The following OR5H1 variants were observed in gnomAD, a reference collection of about 807,000 sequenced individuals.
OR5H1 encodes olfactory receptor family 5 subfamily H member 1.
For missense variants in OR5H1, 378 were observed against 366.8 expected, an observed-to-expected ratio of 1.03 and a Z score of -0.25; for synonymous variants, 124 against 134.4, an observed-to-expected ratio of 0.92 and a Z score of 0.54.
intron 1 of OR5H1, among the ~76,000 whole-genome samples, chr3:98,131,519 C>A (rs1708254849): frequency 6.6e-6 from 1 of 151,612 alleles, no homozygotes; most frequent in African/African-American, 2.4e-5. Flanking sequence ...TTACCTCTGA[C>A]AGCCACTATG....
chr3:98,136,371 C>T lies in OR5H1; in HGVS notation c.*2732C>T, dbSNP rs946887134. ...AAAGTTTCTTCAAGCTATAAAGTCA[C>T]ACCAACAACATACCATTAGTTTCAC... On this transcript the variant is annotated 3_prime_UTR_variant, in exon 2 of 2. Transcript: ENST00000641874. 1 of 152,306 alleles carries T rather than the reference C, an allele frequency of 6.6e-6. No individual in the cohort carries two copies. Among genetic ancestry groups the T allele is most frequent in the Admixed American group, 6.5e-5 (1 of 15,292 alleles). The allele number at this position is 152,306 out of a possible 1,614,324, so 9.4% of individuals were successfully genotyped here. A position where few individuals can be genotyped will look rare whatever the true frequency, so the allele number is the denominator to read the frequency against.
chr3:98,133,375 A>C lies in OR5H1; in HGVS notation c.678A>C (p.Leu226Phe). The C allele has an allele frequency of 6.2e-7, 1 of 1,613,204 alleles. No individual in the cohort carries two copies. The highest frequency in any genetic ancestry group is 8.5e-7 in the Non-Finnish European group (1 of 1,179,592). The part of the protein sequence containing the change: ...VSYTFVLFAI[L>F]KKKSDKGVRK... Reference sequence around the variant, plus strand: ...ATACATTTGTTCTCTTCGCAATCTTAAAAAAGAAATCTGATAAAGGTGTAA... The same window carrying C: ...ATACATTTGTTCTCTTCGCAATCTTCAAAAAGAAATCTGATAAAGGTGTAA... The change falls in exon 2 of 2, where the codon TTA becomes TTC. Residue 226 changes from leucine to phenylalanine, a missense_variant. Transcript: ENST00000641874.
At position 98,136,713 on chromosome 3, in the gene OR5H1, T is replaced by A. The variant is rs1708322181; in HGVS notation, c.*3074T>A. 1 of 152,160 alleles carries A rather than the reference T, an allele frequency of 6.6e-6. No homozygotes were observed. The highest frequency in any genetic ancestry group is 1.9e-4 in the East Asian group (1 of 5,190). 9.4% of individuals were successfully genotyped at this position (152,160 alleles called of 1,614,324 possible). On this transcript the variant is annotated 3_prime_UTR_variant, in exon 2 of 2. Transcript: ENST00000641874. The stretch of plus-strand genomic sequence containing the variant: ...CATAGTAATAAGCATGTTCTTACTG[T>A]CTTAGTTCCCATGAGGGCTGGTTGA...
In OR5H1 at chr3:98,132,865, T is replaced by G. The variant is rs745332178; in HGVS notation, c.168T>G (p.His56Gln). The G allele has an allele frequency of 1.2e-4, 192 of 1,607,610 alleles. No homozygotes were observed. Among genetic ancestry groups the G allele is most frequent in the Admixed American group, 2.5e-4 (15 of 59,462 alleles). ...TCATCTGGAAAGACCCTCACCTTCA[T>G]ATCCCAATGTACTTACTCCTTGGGA... ...IAVIWKDPHL[H>Q]IPMYLLLGNL... The change falls in exon 2 of 2, where the codon CAT becomes CAG. Residue 56 changes from histidine (H) to glutamine (Q), a missense_variant. Transcript: ENST00000641874.
At position 98,133,069 on chromosome 3, in the gene OR5H1, A is replaced by C. The variant is rs1234282035; in HGVS notation, c.372A>C (p.Val124=). The change falls in exon 2 of 2, where the codon GTA becomes GTC. Residue 124 remains valine, a synonymous_variant. Coordinates refer to ENST00000641874, the MANE Select transcript of OR5H1 (RefSeq NM_001005338.2). ...LLATMAYDRY[V]AICKPLLYPA... ...CAACGATGGCATATGATCGCTATGTAGCCATATGCAAACCTTTACTTTATC... is the reference window on the plus strand; with the variant it reads ...CAACGATGGCATATGATCGCTATGTCGCCATATGCAAACCTTTACTTTATC... The C allele has an allele frequency of 6.2e-7, 1 of 1,613,532 alleles. No homozygotes were observed. Among genetic ancestry groups the C allele is most frequent in the South Asian group, 1.1e-5 (1 of 91,078 alleles).
rs1708285719 is a variant in OR5H1, at chr3:98,133,632, C to T, written c.935C>T (p.Ser312Leu). The T allele has an allele frequency of 1.3e-6, 2 of 1,596,266 alleles. No individual in the cohort carries two copies. Among genetic ancestry groups the T allele is most frequent in the African/African-American group, 1.3e-5 (1 of 74,154 alleles). ...ATGTTAAAAAAACATGTTAAGGTTT[C>T]ATACTAATATCCTTTCTCTAATTAC... ...TKMLKKHVKV[S>L]Y Residue 312 changes from serine (S) to leucine (L), a missense_variant, in exon 2 of 2, where the codon TCA becomes TTA. Ser to Leu is a moderately radical substitution (Grantham distance 145, BLOSUM62 -2). Transcript: ENST00000641874.
Position 98,133,264 on chromosome 3 carries a change from T to C in OR5H1, c.567T>C (p.Cys189=). ...CDTIPLSKIS[C]TDSSINFLMV... ...CTATCCCATTGTCTAAGATTTCTTGTACTGATTCTTCTATTAATTTTCTAA... is the reference window on the plus strand; with the variant it reads ...CTATCCCATTGTCTAAGATTTCTTGCACTGATTCTTCTATTAATTTTCTAA... Residue 189 remains cysteine (C), a synonymous_variant, in exon 2 of 2, where the codon TGT becomes TGC. Coordinates refer to ENST00000641874, the MANE Select transcript of OR5H1 (RefSeq NM_001005338.2). 5 of 1,611,158 alleles carry C rather than the reference T, an allele frequency of 3.1e-6. No homozygotes were observed. In the South Asian group the frequency reaches 3.3e-5, roughly 11 times the overall value.
chr3:98,138,197 C>CA lies in OR5H1; in HGVS notation c.*4559dup, dbSNP rs1291419598. ...GAGGGTCGTGATCGATTGAGCAAGC[C>CA]AGGGGGTACGTGACAGGGGCTGCGA... On this transcript the variant is annotated 3_prime_UTR_variant, in exon 2 of 2. Transcript: ENST00000641874. The CA allele has an allele frequency of 6.6e-6, 1 of 152,142 alleles. No individual in the cohort carries two copies. 9.4% of individuals were successfully genotyped at this position (152,142 alleles called of 1,614,324 possible).
In OR5H1 at chr3:98,132,793, G is replaced by C; in HGVS notation, c.96G>C (p.Leu32Phe). The C allele has an allele frequency of 6.2e-7, 1 of 1,613,446 alleles. No individual in the cohort carries two copies. The highest frequency in any genetic ancestry group is 1.1e-5 in the South Asian group (1 of 91,068). ...AAATACCCCTGTTCCTGGCATTCTT[G>C]GTAATATATCTCATCACCATCATGG... is the stretch of plus-strand genomic sequence containing the variant. ...QWKIPLFLAF[L>F]VIYLITIMGN... Residue 32 changes from leucine (L) to phenylalanine (F), a missense_variant, in exon 2 of 2, where the codon TTG becomes TTC. Leu to Phe is a conservative substitution (Grantham distance 22). Transcript: ENST00000641874.
Position 98,136,680 on chromosome 3 carries a change from GC to G in OR5H1, c.*3043del, listed in dbSNP as rs57657411. The stretch of plus-strand genomic sequence containing the variant: ...GTCGATCTCTCATGAATGCCTTGGT[GC>G]CATCATCATAGTAATAAGCATGTTC... On this transcript the variant is annotated 3_prime_UTR_variant, in exon 2 of 2. Transcript: ENST00000641874. 33,600 of 151,964 alleles carry G rather than the reference GC, an allele frequency of 0.22. 4,785 individuals carry two copies. The highest frequency in any genetic ancestry group is 0.41 in the African/African-American group (17,031 of 41,392). The allele number at this position is 151,964 out of a possible 1,614,324, so 9.4% of individuals were successfully genotyped here.
Position 98,133,676 on chromosome 3 carries a change from A to T in OR5H1, c.*37A>T. On this transcript the variant is annotated 3_prime_UTR_variant, in exon 2 of 2. Coordinates refer to ENST00000641874, the MANE Select transcript of OR5H1 (RefSeq NM_001005338.2). ...TAATTACAAAAATAGTCACAAAATT[A>T]TGCAAGTTAGAGGTACCTATGTTGT... 6.5e-7 allele frequency: 1 copy of T among 1,527,562 alleles called. No individual in the cohort carries two copies. Among genetic ancestry groups the T allele is most frequent in the Non-Finnish European group, 8.9e-7 (1 of 1,117,938 alleles). 94.6% of individuals were successfully genotyped at this position (1,527,562 alleles called of 1,614,324 possible).
chr3:98,132,179 T>A lies in OR5H1; in HGVS notation c.-18-501T>A, dbSNP rs185019775. On this transcript the variant is annotated intron_variant, in intron 1 of 1. Coordinates refer to ENST00000641874, the MANE Select transcript of OR5H1 (RefSeq NM_001005338.2). ...CTTACTAACAAGTTTCTAATTAATA[T>A]CCCTGAGTACAGTTTCTTCTTCTTG... Among the ~76,000 whole-genome samples, 749 of 152,112 alleles carry A rather than the reference T, an allele frequency of 4.9e-3. 4 individuals are homozygous for A. The highest frequency in any genetic ancestry group is 0.017 in the African/African-American group (709 of 41,550).
rs148020742 is a variant in OR5H1 at position 98,132,868 on chromosome 3, C to G, written c.171C>G (p.Ile57Met). Residue 57 changes from isoleucine to methionine, a missense_variant, in exon 2 of 2, where the codon ATC becomes ATG. Ile to Met is a conservative substitution (Grantham distance 10, BLOSUM62 1). Coordinates refer to ENST00000641874, the MANE Select transcript of OR5H1 (RefSeq NM_001005338.2). ...AVIWKDPHLH[I>M]PMYLLLGNLA... ...TCTGGAAAGACCCTCACCTTCATATCCCAATGTACTTACTCCTTGGGAATT... is the reference window on the plus strand; with the variant it reads ...TCTGGAAAGACCCTCACCTTCATATGCCAATGTACTTACTCCTTGGGAATT... The G allele has an allele frequency of 2.3e-4, 369 of 1,613,502 alleles. No homozygotes were observed. In the African/African-American group the frequency reaches 4.3e-3, roughly 19 times the overall value.
Position 98,136,083 on chromosome 3 carries a change from T to G in OR5H1, c.*2444T>G, listed in dbSNP as rs1708314953. On this transcript the variant is annotated 3_prime_UTR_variant, in exon 2 of 2. Transcript: ENST00000641874. Reference sequence around the variant, plus strand: ...AATAGGACAGTTTCTAAGTAGATAATAAAACATCAAAGACAATGGACAGAA... The same window carrying G: ...AATAGGACAGTTTCTAAGTAGATAAGAAAACATCAAAGACAATGGACAGAA... The G allele has an allele frequency of 6.6e-6, 1 of 152,176 alleles. No individual in the cohort carries two copies. Among genetic ancestry groups the G allele is most frequent in the African/African-American group, 2.4e-5 (1 of 41,462 alleles). 9.4% of individuals were successfully genotyped at this position (152,176 alleles called of 1,614,324 possible).
At chr3:98,132,461 T>A (rs1178085407) in intron 1 of OR5H1, among the ~76,000 whole-genome samples, 1 of 152,090 alleles carries the variant, frequency 6.6e-6, no homozygotes, top group African/African-American at 2.4e-5. Flanking sequence ...GAATGCCTCT[T>A]GTTTTACCTA....
At chr3:98,132,443 C>T (rs1708266498) in intron 1 of OR5H1, among the ~76,000 whole-genome samples, 1 of 152,036 alleles carries the variant, frequency 6.6e-6, no homozygotes, top group Non-Finnish European at 1.5e-5. Flanking sequence ...AAATGTTGTG[C>T]ATACAGAGAA....
chr3:98,132,690 G>T lies in OR5H1; in HGVS notation c.-8G>T. The stretch of plus-strand genomic sequence containing the variant: ...TGCATTTTATTTTAGAGGGCATGCT[G>T]TGAGGACATGGAAGAGGAAAATGCA... On this transcript the variant is annotated 5_prime_UTR_variant, in exon 2 of 2. Transcript: ENST00000641874. The T allele has an allele frequency of 6.2e-7, 1 of 1,612,598 alleles. No homozygotes were observed. Among genetic ancestry groups the T allele is most frequent in the Non-Finnish European group, 8.5e-7 (1 of 1,179,038 alleles).
rs535427593 is a variant in OR5H1 at position 98,133,958 on chromosome 3, A to T, written c.*319A>T. On this transcript the variant is annotated 3_prime_UTR_variant, in exon 2 of 2. Transcript: ENST00000641874. ...TAGTTTATCATATAAGGACTTGAGT[A>T]TGATGGTTTTGATACTAATACTACT... 6.7e-5 allele frequency: 17 copies of T among 252,170 alleles called. No individual in the cohort carries two copies. The highest frequency in any genetic ancestry group is 3.9e-4 in the African/African-American group (17 of 43,620). The allele number at this position is 252,170 out of a possible 1,614,324, so 15.6% of individuals were successfully genotyped here.
rs372777206 is a variant in OR5H1 at position 98,132,668 on chromosome 3, A to G, written c.-18-12A>G. On this transcript the variant is annotated splice_polypyrimidine_tract_variant and intron_variant, in intron 1 of 1. Coordinates refer to ENST00000641874, the MANE Select transcript of OR5H1 (RefSeq NM_001005338.2). ...GCAAATGTTCCCTTTCATTTGTTGCATTTTATTTTAGAGGGCATGCTGTGA... is the reference window on the plus strand; with the variant it reads ...GCAAATGTTCCCTTTCATTTGTTGCGTTTTATTTTAGAGGGCATGCTGTGA... 373 of 1,605,416 alleles carry G rather than the reference A, an allele frequency of 2.3e-4. 3 individuals carry two copies. Among genetic ancestry groups the G allele is most frequent in the Admixed American group, 1.2e-3 (70 of 58,928 alleles).
Sources: allele counts gnomAD v4.1 joint callset (sites outside exome capture counted in the v4.1 genomes callset), GRCh38; gene constraint gnomAD v4.1.1; transcripts MANE v1.5; gene names NCBI Gene and HGNC (gene_info 2026-07-23, HGNC 2026-07-21).